The following CYP27C1 variants were observed in gnomAD, a reference collection of about 807,000 sequenced individuals.
The protein encoded by CYP27C1 is cytochrome P450 27C1.
A neutral mutation model predicts 40.6 loss-of-function variants in CYP27C1; 29 were observed. The ratio of observed to expected loss-of-function variants is 0.71; its 90% CI spans 0.53 to 0.97. The LOEUF is 0.97. CYP27C1 is among the 50% of genes least tolerant of loss of function. The pLI, the probability that CYP27C1 is intolerant of heterozygous loss-of-function variation, is 0.00. For synonymous variants in CYP27C1, 198 were observed against 186.8 expected (o/e 1.06, Z -0.49); for missense variants, 390 against 485.8 (o/e 0.80, Z 1.85).
chr2:127,204,440 AAAAGAAAG>A (rs59482629), intron 2 of CYP27C1, among the ~76,000 whole-genome samples: 883 of 41,302 alleles, frequency 0.021, 54 homozygotes, highest in African/African-American at 0.032. Context: ...GAAAGAAAGA[AAAAGAAAG>A]AAAGAAAGAA....
rs1212111807 is a variant in CYP27C1, at chr2:127,219,652, C to G, written c.282+337G>C. ...TCTTCCCAGCCGTTCCTTTCTGGCC[C>G]CGTTCCTCAGCTCCCTCTGCCTGCT... On this transcript the variant is annotated intron_variant, in intron 1 of 8. Transcript: ENST00000664447. The surrounding 1 kb of genome is among the most constrained non-coding windows in gnomAD (Gnocchi z 8.7). Among the ~76,000 whole-genome samples the G allele has an allele frequency of 6.6e-6, 1 of 151,942 alleles. No individual in the cohort carries two copies. Among genetic ancestry groups the G allele is most frequent in the African/African-American group, 2.4e-5 (1 of 41,414 alleles).
Position 127,218,958 on chromosome 2 carries a change from C to A in CYP27C1, c.282+1031G>T, listed in dbSNP as rs966947528. ...CAGCACTCAGGCTCCAAGTGGGAAG[C>A]GTGCGGAATTCGCCGGCCCCAACGC... On this transcript the variant is annotated intron_variant, in intron 1 of 8. Coordinates refer to ENST00000664447, the MANE Select transcript of CYP27C1 (RefSeq NM_001367502.1). This position sits in a 1 kb window ranked among gnomAD's most constrained non-coding sequence, Gnocchi z 6.0. Among the ~76,000 whole-genome samples the A allele has an allele frequency of 6.6e-6, 1 of 152,146 alleles. No homozygotes were observed. Among genetic ancestry groups the A allele is most frequent in the Non-Finnish European group, 1.5e-5 (1 of 68,008 alleles).
Position 127,189,174 on chromosome 2 carries a change from C to T in CYP27C1, c.1498-1787G>A, listed in dbSNP as rs1000002630. Among the ~76,000 whole-genome samples, 106 of 150,880 alleles carry T rather than the reference C, an allele frequency of 7.0e-4. 1 individual carries two copies. Among genetic ancestry groups the T allele is most frequent in the Non-Finnish European group, 1.3e-3 (85 of 67,712 alleles). ...ACAAAAGACAAAAAACACTGCCCCCCCCCTCCGCCCCCCTACATCCAGTTT... is the reference window on the plus strand; with the variant it reads ...ACAAAAGACAAAAAACACTGCCCCCTCCCTCCGCCCCCCTACATCCAGTTT... On this transcript the variant is annotated intron_variant, in intron 8 of 8. Transcript: ENST00000664447.
In CYP27C1 at chr2:127,187,109, TG is replaced by T; in HGVS notation, c.*161del. ...AAATAGCAACCTTTTTACATTACTT[TG>T]CATAAAGATTTACAAGTGTCCCAGG... is the stretch of plus-strand genomic sequence containing the variant. On this transcript the variant is annotated 3_prime_UTR_variant, in exon 9 of 9. Coordinates refer to ENST00000664447, the MANE Select transcript of CYP27C1 (RefSeq NM_001367502.1). 1 of 652,704 alleles carries T rather than the reference TG, an allele frequency of 1.5e-6. No homozygotes were observed. The highest frequency in any genetic ancestry group is 2.7e-6 in the Non-Finnish European group (1 of 366,148). The allele number at this position is 652,704 out of a possible 1,614,324, so 40.4% of individuals were successfully genotyped here. A position where few individuals can be genotyped will look rare whatever the true frequency, so the allele number is the denominator to read the frequency against.
rs576524125 is a variant in CYP27C1, at chr2:127,212,333, C to A, written c.283-6243G>T. ...ACTCATTTTATGAAGCCAGAATCAT[C>A]CTGATACCAAAACCAGGAAGAGACA... On this transcript the variant is annotated intron_variant, in intron 1 of 8. Transcript: ENST00000664447. Among the ~76,000 whole-genome samples, 10 of 152,288 alleles carry A rather than the reference C, an allele frequency of 6.6e-5. 1 individual carries two copies. In the South Asian group the frequency reaches 1.9e-3, roughly 28 times the overall value.
intron 8 of CYP27C1, among the ~76,000 whole-genome samples, chr2:127,190,881 A>AG: frequency 6.8e-6 from 1 of 147,788 alleles, no homozygotes; most frequent in East Asian, 2.0e-4. Flanking sequence ...CGGGAGACAG[A>AG]GTTGCAGCGA....
At chr2:127,204,991 C>T (rs1683192795) in intron 2 of CYP27C1, among the ~76,000 whole-genome samples, 1 of 152,210 alleles carries the variant, frequency 6.6e-6, no homozygotes, top group African/African-American at 2.4e-5. Context: ...CAGCCCGGCG[C>T]CTGGGCCTAG....
chr2:127,209,465 T>C lies in CYP27C1; in HGVS notation c.283-3375A>G, dbSNP rs1683295760. ...GCCTGAGTGCCTCTTCTCCTCCAAA[T>C]AATCACAATGTCTCTCCATCAAGAG... On this transcript the variant is annotated intron_variant, in intron 1 of 8. Coordinates refer to ENST00000664447, the MANE Select transcript of CYP27C1 (RefSeq NM_001367502.1). The surrounding 1 kb of genome is among the most constrained non-coding windows in gnomAD (Gnocchi z 4.1). Among the ~76,000 whole-genome samples, 1 of 152,142 alleles carries C rather than the reference T, an allele frequency of 6.6e-6. No individual in the cohort carries two copies. Among genetic ancestry groups the C allele is most frequent in the South Asian group, 2.1e-4 (1 of 4,830 alleles).
chr2:127,204,481 A>G (rs867954206), intron 2 of CYP27C1, among the ~76,000 whole-genome samples: 5,605 of 66,936 alleles, frequency 0.084, 775 homozygotes, highest in East Asian at 0.11. Flanking sequence ...AGAAAGAAAG[A>G]AAGAAAGGAA....
chr2:127,203,244 G>A, intron 3 of CYP27C1, 128 bp downstream of exon 3: 1 of 995,452 alleles, frequency 1.0e-6, no homozygotes, highest in South Asian at 1.6e-5. Flanking sequence ...GCACCGTGGA[G>A]GTGACATGCA....
In CYP27C1 at chr2:127,196,056, A is replaced by G. The variant is rs1017159857; in HGVS notation, c.1048-555T>C. Reference sequence around the variant, plus strand: ...AGCAAGTCAATAACTCGTCTATGCAAAGCAGTGTCTTTTTTTTTTTTTTTG... The same window carrying G: ...AGCAAGTCAATAACTCGTCTATGCAGAGCAGTGTCTTTTTTTTTTTTTTTG... On this transcript the variant is annotated intron_variant, in intron 5 of 8. Coordinates refer to ENST00000664447, the MANE Select transcript of CYP27C1 (RefSeq NM_001367502.1). The surrounding 1 kb of genome is among the most constrained non-coding windows in gnomAD (Gnocchi z 4.5). Among the ~76,000 whole-genome samples the G allele has an allele frequency of 1.5e-5, 2 of 132,648 alleles. No individual in the cohort carries two copies. Among genetic ancestry groups the G allele is most frequent in the Non-Finnish European group, 3.1e-5 (2 of 63,774 alleles). The allele number at this position is 132,648 out of a possible 152,430, so 87.0% of individuals were successfully genotyped here. A position where few individuals can be genotyped will look rare whatever the true frequency, so the allele number is the denominator to read the frequency against.
At chr2:127,203,704 G>T in intron 2 of CYP27C1, 133 bp from the exon 3 acceptor site, 1 of 882,640 alleles carries the variant, frequency 1.1e-6, no homozygotes, top group Non-Finnish European at 1.7e-6. Context: ...AATTAAGACA[G>T]GAAAGACTTT....
At chr2:127,199,235 C>G in intron 5 of CYP27C1, 141 bp downstream of exon 5, 1 of 1,115,656 alleles carries the variant, frequency 9.0e-7, no homozygotes, top group Non-Finnish European at 1.3e-6. Flanking sequence ...TGCAGTGAGC[C>G]GAGACCATGC....
At chr2:127,210,922 C>T (rs1683323305) in intron 1 of CYP27C1, among the ~76,000 whole-genome samples, 1 of 152,154 alleles carries the variant, frequency 6.6e-6, no homozygotes, top group Non-Finnish European at 1.5e-5. Flanking sequence ...TAATGGGAGA[C>T]TTTAACACCC....
intron 8 of CYP27C1, among the ~76,000 whole-genome samples, chr2:127,191,434 C>G (rs1213280951): frequency 6.6e-6 from 1 of 152,172 alleles, no homozygotes; most frequent in African/African-American, 2.4e-5. Flanking sequence ...GTTCTTCAGG[C>G]AGCCAGAGCC....
chr2:127,206,290 CG>C lies in CYP27C1; in HGVS notation c.283-201del. Among the ~76,000 whole-genome samples the C allele has an allele frequency of 1.3e-5, 2 of 150,154 alleles. 1 individual carries two copies. Among genetic ancestry groups the C allele is most frequent in the South Asian group, 4.3e-4 (2 of 4,696 alleles). On this transcript the variant is annotated intron_variant, in intron 1 of 8. Transcript: ENST00000664447. ...ATAACCATCTCTTTTTTGTTGTTTC[CG>C]TTTGTTTGTTTGTTTGTTTGTTTGT...
At chr2:127,206,198 G>C (rs1280040219) in intron 1 of CYP27C1, among the ~76,000 whole-genome samples, 108 bp from the exon 2 acceptor site, 1 of 152,242 alleles carries the variant, frequency 6.6e-6, no homozygotes, top group Non-Finnish European at 1.5e-5. Context: ...GCAGAGGGAA[G>C]TGCTATCTAA....
At chr2:127,217,628 T>C (rs1683458197) in intron 1 of CYP27C1, among the ~76,000 whole-genome samples, 1 of 152,162 alleles carries the variant, frequency 6.6e-6, no homozygotes, top group Non-Finnish European at 1.5e-5. Flanking sequence ...ACACCCTAAA[T>C]AGCATCTAGT....
rs35569428 is a variant in CYP27C1, at chr2:127,196,533, CA to C, written c.1048-1033del. The stretch of plus-strand genomic sequence containing the variant: ...CAGTATAAAGGCCTTTCTCTTTCAC[CA>C]AAAAAAAAAAACTAATTTAAGCAGG... On this transcript the variant is annotated intron_variant, in intron 5 of 8. Transcript: ENST00000664447. This position sits in a 1 kb window ranked among gnomAD's most constrained non-coding sequence, Gnocchi z 4.5. Among the ~76,000 whole-genome samples, 102,567 of 147,872 alleles carry C rather than the reference CA, an allele frequency of 0.69. 35,161 individuals are homozygous for C. Among genetic ancestry groups the C allele is most frequent in the Middle Eastern group, 0.75 (214 of 286 alleles).
Sources: allele counts gnomAD v4.1 joint callset (sites outside exome capture counted in the v4.1 genomes callset), GRCh38; gene constraint gnomAD v4.1.1; non-coding constraint Gnocchi (gnomAD v3.1); transcripts MANE v1.5; gene names NCBI Gene and HGNC (gene_info 2026-07-23, HGNC 2026-07-21).